ZNF410: variants seen among roughly 807,000 people sequenced by gnomAD.
ZNF410 encodes zinc finger protein 410.
In ZNF410, 18 loss-of-function variants were observed where a neutral mutation model predicts 54.8. That is an observed-to-expected ratio of 0.33 (90% confidence interval 0.23 to 0.49). The LOEUF (loss-of-function observed/expected upper bound fraction) is 0.49. Ranked by LOEUF, ZNF410 falls within the 20% of genes least tolerant of loss-of-function variation. The probability of loss-of-function intolerance (pLI) is 0.99; values close to 1 mark genes in which losing one functional copy is unlikely to be tolerated. For missense variants in ZNF410, 405 were observed against 569.6 expected (o/e 0.71, Z 2.94); for synonymous variants, 191 against 207.3 (o/e 0.92, Z 0.68).
chr14:73,904,046 G>A lies in ZNF410; in HGVS notation c.667G>A (p.Val223Ile), dbSNP rs1171239952. Residue 223 changes from valine (V) to isoleucine (I), a missense_variant, in exon 6 of 12, where the codon GTT (valine) becomes ATT (isoleucine). Val to Ile is a conservative substitution (Grantham distance 29). This residue lies in a region of ZNF410 where 247 missense variants were observed against 342.8 expected (regional missense o/e 0.72). Transcript: ENST00000555044. Reference sequence around the variant, plus strand: ...AGTGGAAAAGAAGCTCAAGTGTACAGTTGAAGGTTGTGACCGGACATTTGT... The same window carrying A: ...AGTGGAAAAGAAGCTCAAGTGTACAATTGAAGGTTGTGACCGGACATTTGT... ...PQVEKKLKCT[V>I]EGCDRTFVWP... The A allele has an allele frequency of 6.2e-7, 1 of 1,614,068 alleles. No homozygotes were observed. Among genetic ancestry groups the A allele is most frequent in the Non-Finnish European group, 8.5e-7 (1 of 1,180,042 alleles).
intron 11 of ZNF410, among the ~76,000 whole-genome samples, chr14:73,930,197 T>G (rs2055890711): frequency 1.3e-5 from 2 of 152,346 alleles, no homozygotes; most frequent in Middle Eastern, 3.4e-3. Flanking sequence ...GATCTTGGCC[T>G]CCATTAAAAA....
intron 11 of ZNF410, among the ~76,000 whole-genome samples, chr14:73,926,124 A>T (rs1305549637): frequency 6.6e-6 from 1 of 152,158 alleles, no homozygotes; most frequent in East Asian, 1.9e-4. Flanking sequence ...GAGTATTTCA[A>T]AGCAAATTGT....
At chr14:73,923,212 C>G (rs1006976143) in intron 10 of ZNF410, among the ~76,000 whole-genome samples, 183 bp from the exon 11 acceptor site, 3 of 152,108 alleles carry the variant, frequency 2.0e-5, no homozygotes, top group African/African-American at 7.2e-5. Flanking sequence ...TTTCTATTCT[C>G]TTTTTATATT....
At chr14:73,891,075 G>A (rs1396088120) in intron 1 of ZNF410, among the ~76,000 whole-genome samples, 3 of 144,456 alleles carry the variant, frequency 2.1e-5, no homozygotes, top group Non-Finnish European at 3.0e-5. Context: ...TTTGGGAAAC[G>A]CTCTTCAAAT....
At chr14:73,896,756 C>T (rs978867647) in intron 4 of ZNF410, among the ~76,000 whole-genome samples, 7 of 152,058 alleles carry the variant, frequency 4.6e-5, no homozygotes, top group African/African-American at 9.7e-5. Context: ...TTACTGAGAT[C>T]GCACAGGAAG....
Position 73,931,551 on chromosome 14 carries a change from C to G in ZNF410, c.*10C>G. The stretch of plus-strand genomic sequence containing the variant: ...TGAAAGACGGACATGAGCGTGGGTG[C>G]TGACTCCTGGAAGAGCAACTCTATC... On this transcript the variant is annotated 3_prime_UTR_variant, in exon 12 of 12. Coordinates refer to ENST00000555044, the MANE Select transcript of ZNF410 (RefSeq NM_021188.3). The G allele has an allele frequency of 6.2e-7, 1 of 1,610,208 alleles. No homozygotes were observed. The highest frequency in any genetic ancestry group is 8.5e-7 in the Non-Finnish European group (1 of 1,178,774).
chr14:73,919,952 G>T (rs1359885202), intron 8 of ZNF410, among the ~76,000 whole-genome samples: 1 of 116,942 alleles, frequency 8.6e-6, no homozygotes, highest in Non-Finnish European at 1.6e-5. Context: ...TTTTTAGTCA[G>T]TCTCTGTGAT....
At chr14:73,922,401 A>G (rs2055769647) in intron 10 of ZNF410, 195 bp downstream of exon 10, 10 of 424,832 alleles carry the variant, frequency 2.4e-5, no homozygotes, top group Non-Finnish European at 3.5e-5. Context: ...TGAAGATAAT[A>G]TAATAAAAGA....
At chr14:73,895,731 G>T (rs1192329027) in intron 3 of ZNF410, among the ~76,000 whole-genome samples, 1 of 152,172 alleles carries the variant, frequency 6.6e-6, no homozygotes, top group Non-Finnish European at 1.5e-5. Flanking sequence ...TTGGGAGGCC[G>T]AGGTGGGTGG....
chr14:73,903,789 C>A, intron 5 of ZNF410, 171 bp from the exon 6 acceptor site: 1 of 880,962 alleles, frequency 1.1e-6, no homozygotes, highest in Non-Finnish European at 1.7e-6. Context: ...GGTGTGAGCA[C>A]CATGCCTGGC....
At position 73,896,337 on chromosome 14, in the gene ZNF410, AC is replaced by A; in HGVS notation, c.192del (p.Ser65ProfsTer11). On this transcript the variant is annotated frameshift_variant, in exon 4 of 12. Transcript: ENST00000555044. LOFTEE classifies it high-confidence loss of function. ...MLPDDTTNHS[N>X]SSKEVPSSAV... is the part of the protein sequence containing the mutation. ...CTAGATGATACTACAAATCATTCTA[AC>A]TCCTCCAAGGAGGTCCCTTCCTCAG... 1 of 1,614,014 alleles carries A rather than the reference AC, an allele frequency of 6.2e-7. No individual in the cohort carries two copies. Among genetic ancestry groups the A allele is most frequent in the South Asian group, 1.1e-5 (1 of 91,074 alleles).
chr14:73,928,825 G>T (rs1462291455), intron 11 of ZNF410, among the ~76,000 whole-genome samples: 2 of 152,112 alleles, frequency 1.3e-5, no homozygotes, highest in African/African-American at 2.4e-5. Flanking sequence ...GTGCATACCT[G>T]TAGTCCCAGC....
intron 11 of ZNF410, among the ~76,000 whole-genome samples, chr14:73,928,849 G>C (rs2055871431): frequency 6.6e-6 from 1 of 152,134 alleles, no homozygotes; most frequent in South Asian, 2.1e-4. Context: ...TCCAGAGGCT[G>C]AGGCAGGAGG....
Position 73,922,066 on chromosome 14 carries a change from C to G in ZNF410, c.1130C>G (p.Ala377Gly). ...AAGSQEQEQTAEPLMGSSLLE... is the reference protein window; with the variant it reads ...AAGSQEQEQTGEPLMGSSLLE... ...CTCTCACAACCTATTCTCTGTGCAG[C>G]TGAGCCACTAATGGGCAGTAGTTTG... is the stretch of plus-strand genomic sequence containing the variant. Residue 377 changes from alanine to glycine, a missense_variant and splice_region_variant, in exon 10 of 12, where the codon GCT becomes GGT. Around this residue, in one of 3 missense-constraint regions of ZNF410, gnomAD observed 127 missense variants for 141.3 expected, o/e 0.90. Coordinates refer to ENST00000555044, the MANE Select transcript of ZNF410 (RefSeq NM_021188.3). The G allele has an allele frequency of 6.2e-7, 1 of 1,614,006 alleles. No individual in the cohort carries two copies. Among genetic ancestry groups the G allele is most frequent in the Non-Finnish European group, 8.5e-7 (1 of 1,179,926 alleles).
In ZNF410 at chr14:73,905,746, T is replaced by A. The variant is rs1383393854; in HGVS notation, c.913+663T>A. On this transcript the variant is annotated intron_variant, in intron 7 of 11. Coordinates refer to ENST00000555044, the MANE Select transcript of ZNF410 (RefSeq NM_021188.3). ...CACTCTTAGAATGTGTAACTATTCTTCCCCACTTACTTGCCACTTTGACTC... is the reference window on the plus strand; with the variant it reads ...CACTCTTAGAATGTGTAACTATTCTACCCCACTTACTTGCCACTTTGACTC... The A allele has an allele frequency of 1.4e-5, 2 of 144,868 alleles. 1 individual carries two copies. Among genetic ancestry groups the A allele is most frequent in the Non-Finnish European group, 3.0e-5 (2 of 65,944 alleles). 9.0% of individuals were successfully genotyped at this position (144,868 alleles called of 1,614,324 possible). A position where few individuals can be genotyped will look rare whatever the true frequency, so the allele number is the denominator to read the frequency against.
Position 73,892,042 on chromosome 14 carries a change from C to T in ZNF410, c.-134C>T, listed in dbSNP as rs781775351. 4 of 998,552 alleles carry T rather than the reference C, an allele frequency of 4.0e-6. No homozygotes were observed. The highest frequency in any genetic ancestry group is 6.4e-6 in the Non-Finnish European group (4 of 622,510). 61.9% of individuals were successfully genotyped at this position (998,552 alleles called of 1,614,324 possible). A position where few individuals can be genotyped will look rare whatever the true frequency, so the allele number is the denominator to read the frequency against. ...CCTATTCTAGGTTACATTGATTACC[C>T]ACCTAGTACAACATCTTACGGGAAG... is the stretch of plus-strand genomic sequence containing the variant. On this transcript the variant is annotated 5_prime_UTR_variant, in exon 2 of 12. Coordinates refer to ENST00000555044, the MANE Select transcript of ZNF410 (RefSeq NM_021188.3).
intron 5 of ZNF410, among the ~76,000 whole-genome samples, chr14:73,900,554 A>G (rs2055389683): frequency 6.6e-6 from 1 of 151,930 alleles, no homozygotes; most frequent in South Asian, 2.1e-4. Flanking sequence ...TTGTATTTCT[A>G]GTAGACACAG....
At chr14:73,899,220 C>G (rs949456753) in intron 5 of ZNF410, among the ~76,000 whole-genome samples, 15 of 151,646 alleles carry the variant, frequency 9.9e-5, no homozygotes, top group Non-Finnish European at 2.1e-4. Context: ...TCATAGAGAA[C>G]TAGAGTTCCC....
intron 11 of ZNF410, chr14:73,924,955 G>C (rs1250064065): frequency 3.6e-6 from 1 of 274,882 alleles, no homozygotes; most frequent in African/African-American, 2.3e-5. Flanking sequence ...GGAATTACAG[G>C]CGTGAGCCAC....
Sources: allele counts gnomAD v4.1 joint callset (sites outside exome capture counted in the v4.1 genomes callset), GRCh38; gene constraint gnomAD v4.1.1; regional missense constraint gnomAD v4.1.1; transcripts MANE v1.5; gene names NCBI Gene and HGNC (gene_info 2026-07-23, HGNC 2026-07-21).